The following LRP1B variants were observed in gnomAD, a reference collection of about 807,000 sequenced individuals.
LRP1B encodes the protein low-density lipoprotein receptor-related protein 1B.
A neutral mutation model predicts 556.6 loss-of-function variants in LRP1B; 217 were observed. The observed-to-expected ratio is 0.39, with a 90% CI of 0.35 to 0.44. The LOEUF (loss-of-function observed/expected upper bound fraction) is 0.44. LRP1B is among the 20% of genes least tolerant of loss of function. LRP1B has a pLI of 1.00. For missense variants in LRP1B, 5,053 were observed against 5,620.8 expected, an observed-to-expected ratio of 0.90 and a Z score of 3.23; for synonymous variants, 2,047 against 1,865.8, an observed-to-expected ratio of 1.10 and a Z score of -2.50.
intron 2 of LRP1B, among the ~76,000 whole-genome samples, chr2:141,494,488 G>A (rs1250591570): frequency 6.6e-6 from 1 of 151,910 alleles, no homozygotes; most frequent in Non-Finnish European, 1.5e-5. Flanking sequence ...CAGGGCCTTT[G>A]AGTGAGTTCA....
At chr2:140,235,097 CT>C (rs1680639045) in intron 89 of LRP1B, among the ~76,000 whole-genome samples, 1 of 150,856 alleles carries the variant, frequency 6.6e-6, no homozygotes, top group African/African-American at 2.4e-5. Context: ...TGGATCTTTG[CT>C]TCATAGGTAG....
At chr2:141,203,427 C>G (rs1252411018) in intron 6 of LRP1B, among the ~76,000 whole-genome samples, 1 of 151,620 alleles carries the variant, frequency 6.6e-6, no homozygotes, top group Non-Finnish European at 1.5e-5. Context: ...CAATAAAGAT[C>G]AAAGAGATAA....
chr2:140,917,394 T>C (rs1694611730), intron 21 of LRP1B, among the ~76,000 whole-genome samples: 1 of 152,174 alleles, frequency 6.6e-6, no homozygotes, highest in Admixed American at 6.6e-5. Flanking sequence ...AAAGCCTGCA[T>C]GTAGATATTT....
chr2:141,255,623 C>A (rs181807254), intron 3 of LRP1B, among the ~76,000 whole-genome samples: 1 of 152,154 alleles, frequency 6.6e-6, no homozygotes, highest in East Asian at 1.9e-4. Context: ...TTATTTCACA[C>A]ATCTTCACTT....
rs1011553921 is a variant in LRP1B at position 140,810,525 on chromosome 2, A to AT, written c.5359+3131dup. Among the ~76,000 whole-genome samples, 29 of 150,674 alleles carry AT rather than the reference A, an allele frequency of 1.9e-4. No homozygotes were observed. In the East Asian group the frequency reaches 2.6e-3, roughly 13 times the overall value. On this transcript the variant is annotated intron_variant, in intron 32 of 90. Transcript: ENST00000389484. ...GCCTCAGCAGCAAGTAGGCCATCAC[A>AT]TTTTTTTTTCTCTTCTCAAATAGAA...
At chr2:140,254,081 A>G (rs925208712) in intron 86 of LRP1B, among the ~76,000 whole-genome samples, 5 of 152,166 alleles carry the variant, frequency 3.3e-5, no homozygotes, top group Non-Finnish European at 5.9e-5. Flanking sequence ...CTTCTACAAA[A>G]ACCCAACAAA....
intron 35 of LRP1B, among the ~76,000 whole-genome samples, chr2:140,719,810 C>T (rs1687339428): frequency 6.6e-6 from 1 of 152,044 alleles, no homozygotes; most frequent in Admixed American, 6.6e-5. Flanking sequence ...TTAAGGAGAA[C>T]CAAGAGTATA....
rs767188486 is a variant in LRP1B, at chr2:140,907,913, C to T, written c.3484G>A (p.Asp1162Asn). The change falls in exon 22 of 91, where the codon GAT becomes AAT. Residue 1162 changes from aspartate (D) to asparagine (N), a missense_variant. Coordinates refer to ENST00000389484, the MANE Select transcript of LRP1B (RefSeq NM_018557.3). ...QPEKLCNGKK[D>N]CPDGSDEGYL... The stretch of plus-strand genomic sequence containing the variant: ...CCTTCATCAGAGCCATCAGGACAAT[C>T]CTTTTTCCCATTGCAGAGTTTCTCT... 4 of 1,613,552 alleles carry T rather than the reference C, an allele frequency of 2.5e-6. No homozygotes were observed. The highest frequency in any genetic ancestry group is 1.3e-5 in the African/African-American group (1 of 75,008).
At chr2:141,500,243 G>A (rs1476820681) in intron 2 of LRP1B, among the ~76,000 whole-genome samples, 11 of 152,034 alleles carry the variant, frequency 7.2e-5, no homozygotes, top group Admixed American at 7.2e-4. Flanking sequence ...ATCCCTGTAA[G>A]CCCAAATCCC....
At chr2:140,236,472 A>G (rs1046735336) in intron 89 of LRP1B, among the ~76,000 whole-genome samples, 17 of 151,232 alleles carry the variant, frequency 1.1e-4, no homozygotes, top group Admixed American at 9.3e-4. Context: ...TTCTAAAATT[A>G]TCAGAAAGAA....
intron 4 of LRP1B, among the ~76,000 whole-genome samples, chr2:141,249,095 C>T (rs1684170298): frequency 1.3e-5 from 2 of 152,000 alleles, no homozygotes; most frequent in African/African-American, 4.8e-5. Flanking sequence ...GTAGGGCAGC[C>T]TTGAGTAAAT....
Position 141,615,517 on chromosome 2 carries a change from A to G in LRP1B, c.206-134984T>C, listed in dbSNP as rs1688263831. On this transcript the variant is annotated intron_variant, in intron 2 of 90. Transcript: ENST00000389484. ...TGAAATTCCTACATTTAGCCCACCA[A>G]TTTTTATGCCTAAATTTTCCAAATG... is the stretch of plus-strand genomic sequence containing the variant. Among the ~76,000 whole-genome samples, 2 of 152,060 alleles carry G rather than the reference A, an allele frequency of 1.3e-5. 1 individual carries two copies. The highest frequency in any genetic ancestry group is 4.1e-4 in the South Asian group (2 of 4,822).
chr2:141,385,715 C>T (rs1171182879), intron 3 of LRP1B, among the ~76,000 whole-genome samples: 2 of 152,122 alleles, frequency 1.3e-5, no homozygotes, highest in African/African-American at 4.8e-5. Context: ...CCTATTCCCT[C>T]AACTGCTTCT....
At chr2:141,515,186 C>CA (rs1336666384) in intron 2 of LRP1B, among the ~76,000 whole-genome samples, 5 of 152,120 alleles carry the variant, frequency 3.3e-5, no homozygotes, top group Admixed American at 3.3e-4. Context: ...CCTGTAATCC[C>CA]AGCTACTCAG....
rs190588808 is a variant in LRP1B at position 140,951,676 on chromosome 2, G to C, written c.2968+184C>G. On this transcript the variant is annotated intron_variant, in intron 19 of 90. Coordinates refer to ENST00000389484, the MANE Select transcript of LRP1B (RefSeq NM_018557.3). ...CACACACCCATGGGGCAAATATTGA[G>C]TTCCATTATCTTTAATGCTAATTCC... Among the ~76,000 whole-genome samples the C allele has an allele frequency of 1.5e-4, 23 of 152,294 alleles. 1 individual carries two copies. Among genetic ancestry groups the C allele is most frequent in the African/African-American group, 4.8e-4 (20 of 41,558 alleles).
intron 1 of LRP1B, among the ~76,000 whole-genome samples, chr2:141,831,518 C>T (rs1176354490): frequency 2.0e-5 from 3 of 151,512 alleles, no homozygotes; most frequent in Non-Finnish European, 4.4e-5. Flanking sequence ...TTTCCTAGAA[C>T]ATAAGCCTAA....
rs1021561118 is a variant in LRP1B at position 141,875,785 on chromosome 2, G to A, written c.83-65384C>T. Reference sequence around the variant, plus strand: ...AAAAACTAAGATTGTGTGTCTGTGTGATATCAAGGTTCATGTATCTCTAAT... The same window carrying A: ...AAAAACTAAGATTGTGTGTCTGTGTAATATCAAGGTTCATGTATCTCTAAT... On this transcript the variant is annotated intron_variant, in intron 1 of 90. Transcript: ENST00000389484. 7.2e-5 allele frequency among the ~76,000 whole-genome samples: 11 copies of A among 152,008 alleles called. No homozygotes were observed. The South Asian group carries it at 8.3e-4, about 11-fold the overall frequency.
At chr2:141,245,736 T>A (rs1009156351) in intron 5 of LRP1B, among the ~76,000 whole-genome samples, 4 of 152,210 alleles carry the variant, frequency 2.6e-5, no homozygotes, top group Admixed American at 2.0e-4. Flanking sequence ...CTCAGTAGGC[T>A]GAAAACTGTG....
chr2:141,844,254 T>C (rs1218174066), intron 1 of LRP1B, among the ~76,000 whole-genome samples: 1 of 152,112 alleles, frequency 6.6e-6, no homozygotes, highest in Non-Finnish European at 1.5e-5. Flanking sequence ...CAGGGAAGCA[T>C]TCTCTGCCTA....
Sources: gnomAD v4.1 joint callset for allele counts (sites outside exome capture counted in the v4.1 genomes callset) on GRCh38, gnomAD v4.1.1 for gene constraint, MANE v1.5 for transcripts, NCBI Gene and HGNC (gene_info 2026-07-23, HGNC 2026-07-21) for gene names.